The following ZBTB25 variants were observed in gnomAD, a reference collection of about 807,000 sequenced individuals.
The protein encoded by ZBTB25 is zinc finger and BTB domain containing 25, also known as zinc finger and BTB domain-containing protein 25.
In ZBTB25, 20 loss-of-function variants were observed where a neutral mutation model predicts 34.2. That is an observed-to-expected ratio of 0.58 (90% CI 0.41 to 0.85). ZBTB25 has a LOEUF of 0.85. Among genes scored for constraint, ZBTB25 ranks in the 40% least tolerant of loss-of-function variants. ZBTB25 has a pLI of 0.00. For synonymous variants in ZBTB25, 175 were observed against 186.4 expected, an observed-to-expected ratio of 0.94 and a Z score of 0.50; for missense variants, 437 against 521.8, an observed-to-expected ratio of 0.84 and a Z score of 1.58.
rs1445003246 is a variant in ZBTB25, at chr14:64,481,379, T to G, written c.*5544A>C. On this transcript the variant is annotated 3_prime_UTR_variant, in exon 3 of 3. Transcript: ENST00000608382. ...TCTAAAAGAATGTTTCTGAAGCAAA[T>G]TCACAGTACATTAGGTGGATGAGTT... 1 of 152,256 alleles carries G rather than the reference T, an allele frequency of 6.6e-6. No homozygotes were observed. The highest frequency in any genetic ancestry group is 1.5e-5 in the Non-Finnish European group (1 of 68,056). 9.4% of individuals were successfully genotyped at this position (152,256 alleles called of 1,614,324 possible).
chr14:64,501,659 C>A lies in ZBTB25; in HGVS notation c.-8+2002G>T, dbSNP rs551420115. The stretch of plus-strand genomic sequence containing the variant: ...TTATTGCTAAAATGGACAAGTTGGT[C>A]AGGCACCACCTACGGACCATAGCAA... On this transcript the variant is annotated intron_variant, in intron 1 of 2. Coordinates refer to ENST00000608382, the MANE Select transcript of ZBTB25 (RefSeq NM_006977.5). Among the ~76,000 whole-genome samples, 111 of 152,320 alleles carry A rather than the reference C, an allele frequency of 7.3e-4. 1 individual carries two copies. Among genetic ancestry groups the A allele is most frequent in the Non-Finnish European group, 5.9e-5 (4 of 68,022 alleles).
intron 2 of ZBTB25, chr14:64,468,574 G>C (rs1566586910): frequency 1.2e-6 from 2 of 1,613,896 alleles, no homozygotes; most frequent in African/African-American, 2.7e-5. Context: ...ATGTGGCAAG[G>C]AAGTGTCCAC....
chr14:64,486,937 T>C lies in ZBTB25; in HGVS notation c.1294A>G (p.Ile432Val), dbSNP rs1484542024. 6.2e-7 allele frequency: 1 copy of C among 1,607,928 alleles called. No homozygotes were observed. Among genetic ancestry groups the C allele is most frequent in the Non-Finnish European group, 8.5e-7 (1 of 1,177,276 alleles). ...SELTQENVDT[I>V]LVE ...AAGAGAAGCTGCTACTCAACTAGGA[T>C]AGTATCCACATTTTCTTGTGTGAGC... The change falls in exon 3 of 3, where the codon ATC becomes GTC. Residue 432 changes from isoleucine to valine, a missense_variant. By Grantham distance (29) the Ile-to-Val change is conservative. Coordinates refer to ENST00000608382, the MANE Select transcript of ZBTB25 (RefSeq NM_006977.5).
exon 3 of ZBTB25, chr14:64,449,301 A>G: frequency 1.1e-6 from 1 of 888,172 alleles, no homozygotes; most frequent in Non-Finnish European, 1.8e-6. Context: ...TAAGTTTCGG[A>G]GCTGAGATTC....
chr14:64,468,798 G>C (rs2078637889), intron 2 of ZBTB25: 1 of 1,613,890 alleles, frequency 6.2e-7, no homozygotes, highest in South Asian at 1.1e-5. Context: ...TTCCCAAGAG[G>C]GCCAAAAAGG....
At position 64,490,068 on chromosome 14, in the gene ZBTB25, C is replaced by T. The variant is rs1466821520; in HGVS notation, c.173+293G>A. 1.1e-4 allele frequency among the ~76,000 whole-genome samples: 16 copies of T among 150,176 alleles called. No individual in the cohort carries two copies. In the South Asian group the frequency reaches 1.3e-3, roughly 12 times the overall value. On this transcript the variant is annotated intron_variant, in intron 2 of 2. Transcript: ENST00000608382. ...ACTAAAAATACAAAAATTAACCGGG[C>T]GTGGTGGCAGGCGCCTGTAATCCCA...
intron 2 of ZBTB25, chr14:64,469,349 G>C (rs1344703014): frequency 6.2e-7 from 1 of 1,613,802 alleles, no homozygotes; most frequent in African/African-American, 1.3e-5. Flanking sequence ...AGATTTTAAA[G>C]AAAATGGGAT....
At position 64,483,832 on chromosome 14, in the gene ZBTB25, T is replaced by C. The variant is rs1293099897; in HGVS notation, c.*3091A>G. 6.7e-6 allele frequency: 1 copy of C among 150,122 alleles called. No homozygotes were observed. The highest frequency in any genetic ancestry group is 2.5e-5 in the African/African-American group (1 of 40,656). The allele number at this position is 150,122 out of a possible 1,614,324, so 9.3% of individuals were successfully genotyped here. On this transcript the variant is annotated 3_prime_UTR_variant, in exon 3 of 3. Coordinates refer to ENST00000608382, the MANE Select transcript of ZBTB25 (RefSeq NM_006977.5). ...AAAATTAGCTGGGCATGGTGGCACA[T>C]GCTCAGGAGGCTGAGGCAGGAGAAT...
chr14:64,481,326 G>A lies in ZBTB25; in HGVS notation c.*5597C>T, dbSNP rs912312010. ...CAAAGTGCTGGGATTACAGGCATGA[G>A]GCACCATGCCCGGCAGATACACAAC... On this transcript the variant is annotated 3_prime_UTR_variant, in exon 3 of 3. Transcript: ENST00000608382. The A allele has an allele frequency of 6.6e-6, 1 of 152,310 alleles. No individual in the cohort carries two copies. Among genetic ancestry groups the A allele is most frequent in the Non-Finnish European group, 1.5e-5 (1 of 68,124 alleles). The allele number at this position is 152,310 out of a possible 1,614,324, so 9.4% of individuals were successfully genotyped here.
chr14:64,475,323 C>T (rs989505436), downstream of ZBTB25, among the ~76,000 whole-genome samples: 1 of 152,052 alleles, frequency 6.6e-6, no homozygotes, highest in Non-Finnish European at 1.5e-5. Context: ...CCTGTAGTCC[C>T]AGCTACTGGG....
intron 2 of ZBTB25, chr14:64,454,603 T>C (rs950169946): frequency 1.0e-5 from 8 of 799,736 alleles, no homozygotes; most frequent in Middle Eastern, 3.4e-4. Flanking sequence ...TAGAGATGTA[T>C]ATAAAGGGAG....
chr14:64,486,016 T>A lies in ZBTB25; in HGVS notation c.*907A>T, dbSNP rs899404454. 101 of 984,526 alleles carry A rather than the reference T, an allele frequency of 1.0e-4. No individual in the cohort carries two copies. The highest frequency in any genetic ancestry group is 5.2e-4 in the Middle Eastern group (1 of 1,932). 61.0% of individuals were successfully genotyped at this position (984,526 alleles called of 1,614,324 possible). A position where few individuals can be genotyped will look rare whatever the true frequency, so the allele number is the denominator to read the frequency against. On this transcript the variant is annotated 3_prime_UTR_variant, in exon 3 of 3. Transcript: ENST00000608382. ...CTCTTCTCCCTTTAACTGTTTTTTT[T>A]ATTAAAAATGAGATATACCACATCT...
chr14:64,459,623 A>T (rs1183773732), intron 2 of ZBTB25: 2 of 706,818 alleles, frequency 2.8e-6, no homozygotes, highest in Non-Finnish European at 4.6e-6. Context: ...CACGCCCTAG[A>T]AGAGCTGGTG....
intron 1 of ZBTB25, chr14:64,503,223 T>A (rs996256427): frequency 1.0e-6 from 1 of 985,292 alleles, no homozygotes; most frequent in African/African-American, 1.7e-5. Flanking sequence ...AACGAGGTAA[T>A]CACAAGCTGG....
intron 1 of ZBTB25, among the ~76,000 whole-genome samples, chr14:64,492,095 G>A (rs1371552999): frequency 4.7e-5 from 6 of 128,418 alleles, no homozygotes; most frequent in African/African-American, 8.6e-5. Flanking sequence ...TTCACCCTGG[G>A]TGACAGAGCA....
chr14:64,449,480 G>T (rs149899012), exon 3 of ZBTB25: 2 of 1,613,786 alleles, frequency 1.2e-6, no homozygotes, highest in African/African-American at 2.7e-5. Context: ...CTCATCAGCC[G>T]CCTTTCCAGA....
intron 2 of ZBTB25, among the ~76,000 whole-genome samples, chr14:64,451,301 C>T (rs901187495): frequency 6.6e-6 from 1 of 152,150 alleles, no homozygotes; most frequent in African/African-American, 2.4e-5. Context: ...GGATTATAGG[C>T]ATGAGCCAAT....
At chr14:64,491,519 A>T (rs535672422) in intron 1 of ZBTB25, among the ~76,000 whole-genome samples, 18 of 152,292 alleles carry the variant, frequency 1.2e-4, no homozygotes, top group African/African-American at 4.3e-4. Context: ...ATTCAGACGC[A>T]TATTATAATG....
At chr14:64,504,771 T>G (rs950538487), upstream of ZBTB25, 2 of 378,090 alleles carry the variant, frequency 5.3e-6, no homozygotes, top group Admixed American at 4.6e-5. Context: ...AAGTCCTTTG[T>G]TGCAGCACAG....
Sources: allele counts gnomAD v4.1 joint callset (sites outside exome capture counted in the v4.1 genomes callset), GRCh38; gene constraint gnomAD v4.1.1; transcripts MANE v1.5; gene names NCBI Gene and HGNC (gene_info 2026-07-23, HGNC 2026-07-21).